Variants in CTNNA2 observed in about 807,000 individuals in gnomAD.
CTNNA2 encodes catenin alpha-2.
Under a neutral mutation model 101.0 loss-of-function variants are expected in CTNNA2, and 42 were observed. That is an observed-to-expected ratio of 0.42 (90% CI 0.32 to 0.54). The LOEUF (loss-of-function observed/expected upper bound fraction) is 0.54, where lower values mean the gene tolerates loss of function less well. Ranked by LOEUF, CTNNA2 falls within the 20% of genes least tolerant of loss-of-function variation. The pLI is 0.14. For synonymous variants in CTNNA2, 450 were observed against 456.4 expected (o/e 0.99, Z 0.18); for missense variants, 871 against 1,223.1 (o/e 0.71, Z 4.29).
At chr2:80,141,763 C>G (rs1160846540) in intron 7 of CTNNA2, among the ~76,000 whole-genome samples, 1 of 151,862 alleles carries the variant, frequency 6.6e-6, no homozygotes, top group African/African-American at 2.4e-5. Flanking sequence ...AGTAAGTGAG[C>G]AACTTGTCAA....
chr2:79,220,910 T>A (rs1674336301), intron 2 of CTNNA2, among the ~76,000 whole-genome samples: 1 of 152,132 alleles, frequency 6.6e-6, no homozygotes, highest in Non-Finnish European at 1.5e-5. Context: ...GATCATAGAT[T>A]AGGTGATAAT....
intron 3 of CTNNA2, among the ~76,000 whole-genome samples, chr2:79,344,013 C>A (rs2104431556): frequency 6.6e-6 from 1 of 152,274 alleles, no homozygotes; most frequent in African/African-American, 2.4e-5. Context: ...CAGTCTATGA[C>A]CTCCTTTGTA....
intron 4 of CTNNA2, among the ~76,000 whole-genome samples, chr2:79,488,703 A>G (rs992551364): frequency 1.3e-5 from 2 of 152,180 alleles, no homozygotes; most frequent in African/African-American, 2.4e-5. Flanking sequence ...GCTCTTCTCA[A>G]TGAACAATTT....
At chr2:79,594,770 G>T (rs1316537002) in intron 1 of CTNNA2, among the ~76,000 whole-genome samples, 2 of 151,642 alleles carry the variant, frequency 1.3e-5, no homozygotes, top group Non-Finnish European at 2.9e-5. Flanking sequence ...TCTATTCCTT[G>T]AAGTGAAATC....
At chr2:80,577,349 T>A (rs562314895) in intron 13 of CTNNA2, among the ~76,000 whole-genome samples, 1 of 152,142 alleles carries the variant, frequency 6.6e-6, no homozygotes, top group South Asian at 2.1e-4. Context: ...GGGTGGCATT[T>A]GAGAAGATAC....
chr2:80,049,138 A>C (rs1382634956), intron 7 of CTNNA2, among the ~76,000 whole-genome samples: 1 of 152,206 alleles, frequency 6.6e-6, no homozygotes, highest in African/African-American at 2.4e-5. Flanking sequence ...TTGTAGGATG[A>C]AACTTTGTAG....
chr2:80,302,957 T>C lies in CTNNA2; in HGVS notation c.1057-90254T>C. 1 of 1,612,016 alleles carries C rather than the reference T, an allele frequency of 6.2e-7. No individual in the cohort carries two copies. Among genetic ancestry groups the C allele is most frequent in the Non-Finnish European group, 8.5e-7 (1 of 1,179,692 alleles). ...CTCGATGTAGGTGAGGCGGTTGGAGTCCAGCTGCAGGGACTGCAGGTGCGG... is the reference window on the plus strand; with the variant it reads ...CTCGATGTAGGTGAGGCGGTTGGAGCCCAGCTGCAGGGACTGCAGGTGCGG... On this transcript the variant is annotated intron_variant, in intron 7 of 18. Coordinates refer to ENST00000402739, the MANE Select transcript of CTNNA2 (RefSeq NM_001282597.3). This position sits in a 1 kb window ranked among gnomAD's most constrained non-coding sequence, Gnocchi z 6.4.
intron 4 of CTNNA2, among the ~76,000 whole-genome samples, chr2:79,484,737 AG>A (rs1671141936): frequency 6.6e-6 from 1 of 152,186 alleles, no homozygotes; most frequent in Admixed American, 6.5e-5. Context: ...TGTAGTCCAC[AG>A]GAAGCTTCTC....
intron 7 of CTNNA2, among the ~76,000 whole-genome samples, chr2:80,263,465 G>C (rs1353263688): frequency 6.6e-6 from 1 of 152,148 alleles, no homozygotes; most frequent in African/African-American, 2.4e-5. Context: ...TTCTCGAGTA[G>C]ATGGGATTAC....
At chr2:79,659,116 G>A (rs930660856) in intron 2 of CTNNA2, among the ~76,000 whole-genome samples, 2 of 151,640 alleles carry the variant, frequency 1.3e-5, no homozygotes, top group African/African-American at 4.8e-5. Flanking sequence ...GGAAACAGGA[G>A]GTTCAGATTT....
At chr2:80,140,116 G>C (rs1479971178) in intron 7 of CTNNA2, among the ~76,000 whole-genome samples, 2 of 152,172 alleles carry the variant, frequency 1.3e-5, no homozygotes. Context: ...GGAACAAGGA[G>C]TTGGTTCAGA....
In CTNNA2 at chr2:80,003,863, T is replaced by C. The variant is rs115787350; in HGVS notation, c.1056+94066T>C. Among the ~76,000 whole-genome samples the C allele has an allele frequency of 1.3e-3, 197 of 152,278 alleles. 9 individuals carry two copies. The South Asian group carries it at 0.04, about 31-fold the overall frequency. On this transcript the variant is annotated intron_variant, in intron 7 of 18. Coordinates refer to ENST00000402739, the MANE Select transcript of CTNNA2 (RefSeq NM_001282597.3). ...TTGATTATTTTTTAACTCCATTCAA[T>C]AGATCCCTAGGATGCCAGGAAAGTC...
intron 2 of CTNNA2, among the ~76,000 whole-genome samples, chr2:79,261,843 A>T (rs1674926244): frequency 6.6e-6 from 1 of 152,256 alleles, no homozygotes; most frequent in Admixed American, 6.5e-5. Context: ...GAAAGCAGAG[A>T]TAGGGAAAGG....
intron 4 of CTNNA2, among the ~76,000 whole-genome samples, chr2:79,477,848 C>T (rs1671067340): frequency 6.6e-6 from 1 of 152,186 alleles, no homozygotes; most frequent in Non-Finnish European, 1.5e-5. Flanking sequence ...TGGTGGGATG[C>T]AATCACAAGG....
intron 1 of CTNNA2, among the ~76,000 whole-genome samples, chr2:79,528,035 G>T (rs1027583432): frequency 1.3e-5 from 2 of 152,180 alleles, no homozygotes; most frequent in Non-Finnish European, 2.9e-5. Context: ...TGAAGACATT[G>T]TGTGAAGTGA....
rs150265806 is a variant in CTNNA2, at chr2:80,319,803, G to T, written c.1057-73408G>T. On this transcript the variant is annotated intron_variant, in intron 7 of 18. Coordinates refer to ENST00000402739, the MANE Select transcript of CTNNA2 (RefSeq NM_001282597.3). Reference sequence around the variant, plus strand: ...AGTGGTGTCAGGAGGGTTAAAATAAGACATATTCAAAAGTCCTCCAGAAAT... The same window carrying T: ...AGTGGTGTCAGGAGGGTTAAAATAATACATATTCAAAAGTCCTCCAGAAAT... Among the ~76,000 whole-genome samples, 22 of 152,244 alleles carry T rather than the reference G, an allele frequency of 1.4e-4. No individual in the cohort carries two copies. The East Asian group carries it at 4.2e-3, about 29-fold the overall frequency.
chr2:79,643,150 C>T (rs1405446305), intron 1 of CTNNA2, among the ~76,000 whole-genome samples: 4 of 151,830 alleles, frequency 2.6e-5, no homozygotes, highest in South Asian at 2.1e-4. Context: ...TAGATCGTGC[C>T]GCTTCACTCC....
At chr2:80,363,234 G>T (rs1478855744) in intron 7 of CTNNA2, among the ~76,000 whole-genome samples, 1 of 148,428 alleles carries the variant, frequency 6.7e-6, no homozygotes, top group Non-Finnish European at 1.5e-5. Context: ...CTTCAGAAAT[G>T]ATTTTTAAAA....
intron 7 of CTNNA2, among the ~76,000 whole-genome samples, chr2:80,039,455 T>C (rs899174411): frequency 7.9e-5 from 12 of 152,206 alleles, no homozygotes; most frequent in African/African-American, 2.9e-4. Flanking sequence ...GAATATGTTC[T>C]CACTCAGAAG....
Sources: gnomAD v4.1 joint callset for allele counts (sites outside exome capture counted in the v4.1 genomes callset) on GRCh38, gnomAD v4.1.1 for gene constraint, Gnocchi (gnomAD v3.1) non-coding constraint, MANE v1.5 for transcripts, NCBI Gene and HGNC (gene_info 2026-07-23, HGNC 2026-07-21) for gene names.